The following TRPS1 variants were observed in gnomAD, a reference collection of about 807,000 sequenced individuals.
The protein encoded by TRPS1 is transcriptional repressor GATA binding 1.
In TRPS1, 6 loss-of-function variants were observed where a neutral mutation model predicts 101.2. The ratio of observed to expected loss-of-function variants is 0.06; its 90% CI spans 0.03 to 0.12. The LOEUF (loss-of-function observed/expected upper bound fraction) is 0.12, where lower values mean the gene tolerates loss of function less well. Among genes scored for constraint, TRPS1 ranks in the 10% least tolerant of loss-of-function variants. TRPS1 has a pLI of 1.00. For synonymous variants in TRPS1, 578 were observed against 589.8 expected, an observed-to-expected ratio of 0.98 and a Z score of 0.29; for missense variants, 1,363 against 1,567.0, an observed-to-expected ratio of 0.87 and a Z score of 2.20.
chr8:115,507,833 C>T (rs1228892521), intron 5 of TRPS1, among the ~76,000 whole-genome samples: 1 of 151,684 alleles, frequency 6.6e-6, no homozygotes, highest in African/African-American at 2.4e-5. Context: ...TAGGTCTGGC[C>T]CGAGGGTGAA....
intron 5 of TRPS1, among the ~76,000 whole-genome samples, chr8:115,516,342 T>C (rs1269395714): frequency 2.0e-5 from 3 of 151,534 alleles, no homozygotes. Flanking sequence ...TATTGTTATA[T>C]ATTCTTCTAG....
At chr8:115,587,903 T>C (rs1817604956) in intron 4 of TRPS1, among the ~76,000 whole-genome samples, 1 of 152,232 alleles carries the variant, frequency 6.6e-6, no homozygotes, top group South Asian at 2.1e-4. Context: ...TGCGCATACA[T>C]TCCAGGTGAT....
Position 115,619,885 on chromosome 8 carries a change from C to T in TRPS1, c.213G>A (p.Glu71=). ...GATCTTGAACATGCAAGCTATGTTC[C>T]TCCTTATGATTTAGTTCTGCAGCAT... is the stretch of plus-strand genomic sequence containing the variant. The part of the protein sequence containing the change: ...QSDAAELNHK[E]EHSLHVQDPS... The change falls in exon 3 of 7, where the codon GAG becomes GAA. Residue 71 remains glutamate, a synonymous_variant. Coordinates refer to ENST00000395715, the MANE Select transcript of TRPS1 (RefSeq NM_014112.5). 6.2e-7 allele frequency: 1 copy of T among 1,614,124 alleles called. No homozygotes were observed. The highest frequency in any genetic ancestry group is 8.5e-7 in the Non-Finnish European group (1 of 1,180,008).
chr8:115,512,345 G>C (rs977741061), intron 5 of TRPS1, among the ~76,000 whole-genome samples: 2 of 151,454 alleles, frequency 1.3e-5, no homozygotes, highest in Non-Finnish European at 3.0e-5. Flanking sequence ...GAAAATTTGC[G>C]GACTATAAAT....
At chr8:115,429,690 A>T (rs1490524971) in intron 5 of TRPS1, among the ~76,000 whole-genome samples, 1 of 152,150 alleles carries the variant, frequency 6.6e-6, no homozygotes, top group Non-Finnish European at 1.5e-5. Context: ...ACTCCTGGTG[A>T]GTGAGATTTT....
intron 5 of TRPS1, among the ~76,000 whole-genome samples, chr8:115,419,863 C>T (rs985447925): frequency 6.6e-6 from 1 of 152,176 alleles, no homozygotes; most frequent in African/African-American, 2.4e-5. Context: ...CTTGCAATTG[C>T]TGATGCCTGC....
intron 1 of TRPS1, among the ~76,000 whole-genome samples, chr8:115,630,350 T>C (rs1717407725): frequency 6.6e-6 from 1 of 151,914 alleles, no homozygotes; most frequent in African/African-American, 2.4e-5. Context: ...AACTTAAGAA[T>C]CTATCTAAAC....
chr8:115,418,466 A>T lies in TRPS1; in HGVS notation c.2701-14T>A. 4 of 1,614,104 alleles carry T rather than the reference A, an allele frequency of 2.5e-6. No homozygotes were observed. The South Asian group carries it at 3.3e-5, about 13-fold the overall frequency. ...GCCTCTACGCCTCTGAAACAGGGGA[A>T]AAAAACCAAGGTCAGAGGTGAGTCA... On this transcript the variant is annotated splice_polypyrimidine_tract_variant and intron_variant, in intron 5 of 6. Transcript: ENST00000395715. This position sits in a 1 kb window ranked among gnomAD's most constrained non-coding sequence, Gnocchi z 4.3.
At chr8:115,509,189 T>C (rs1480066572) in intron 5 of TRPS1, among the ~76,000 whole-genome samples, 1 of 152,010 alleles carries the variant, frequency 6.6e-6, no homozygotes, top group African/African-American at 2.4e-5. Flanking sequence ...CAAGGTGTTT[T>C]CCCTGAAGCC....
chr8:115,515,070 T>C, intron 5 of TRPS1: 1 of 574,990 alleles, frequency 1.7e-6, no homozygotes, highest in South Asian at 2.2e-5. Flanking sequence ...GAAAAATTTG[T>C]TGAGGACTCA....
At chr8:115,580,234 G>GA (rs10642817) in intron 5 of TRPS1, among the ~76,000 whole-genome samples, 10,570 of 132,932 alleles carry the variant, frequency 0.08, 633 homozygotes, top group African/African-American at 0.16. Flanking sequence ...AGGGAGAGAA[G>GA]AAAAAAAAAA....
chr8:115,581,568 T>C (rs1337193310), intron 5 of TRPS1, among the ~76,000 whole-genome samples: 1 of 152,152 alleles, frequency 6.6e-6, no homozygotes, highest in Non-Finnish European at 1.5e-5. Flanking sequence ...ATGTGTGGGT[T>C]AATGAAGCAG....
rs1443841927 is a variant in TRPS1 at position 115,503,131 on chromosome 8, G to A, written c.2700+83870C>T. Among the ~76,000 whole-genome samples, 4 of 151,830 alleles carry A rather than the reference G, an allele frequency of 2.6e-5. No homozygotes were observed. In the East Asian group the frequency reaches 7.8e-4, roughly 30 times the overall value. ...TACCTGGGCGTGGTGGCGGGCGCTTGTATTCCCAGCTACTTGGGAGGCTGA... is the reference window on the plus strand; with the variant it reads ...TACCTGGGCGTGGTGGCGGGCGCTTATATTCCCAGCTACTTGGGAGGCTGA... On this transcript the variant is annotated intron_variant, in intron 5 of 6. Transcript: ENST00000395715.
chr8:115,439,597 G>C (rs1441653285), intron 5 of TRPS1, among the ~76,000 whole-genome samples: 1 of 152,036 alleles, frequency 6.6e-6, no homozygotes, highest in South Asian at 2.1e-4. Flanking sequence ...TAGCCACAGG[G>C]GACATTTTGT....
At chr8:115,571,409 GTA>G (rs999573995) in intron 5 of TRPS1, among the ~76,000 whole-genome samples, 2 of 152,082 alleles carry the variant, frequency 1.3e-5, no homozygotes, top group African/African-American at 4.8e-5. Flanking sequence ...AAATAGGCTA[GTA>G]AAAAGTCATA....
intron 5 of TRPS1, among the ~76,000 whole-genome samples, chr8:115,490,960 G>A (rs1815006585): frequency 6.6e-6 from 1 of 152,104 alleles, no homozygotes; most frequent in African/African-American, 2.4e-5. Context: ...ACGGGATGAA[G>A]GACCAAACAA....
intron 5 of TRPS1, among the ~76,000 whole-genome samples, chr8:115,433,298 AG>A (rs2129841727): frequency 6.6e-6 from 1 of 152,200 alleles, no homozygotes; most frequent in Admixed American, 6.5e-5. Context: ...AACATAAATC[AG>A]GATTAAGATA....
chr8:115,507,514 T>C (rs1176684330), intron 5 of TRPS1, among the ~76,000 whole-genome samples: 2 of 152,020 alleles, frequency 1.3e-5, no homozygotes, highest in Non-Finnish European at 2.9e-5. Flanking sequence ...AGCCAGATGT[T>C]CATTTACAGA....
At chr8:115,472,033 C>T (rs1563755144) in intron 5 of TRPS1, among the ~76,000 whole-genome samples, 2 of 152,176 alleles carry the variant, frequency 1.3e-5, no homozygotes, top group Non-Finnish European at 2.9e-5. Flanking sequence ...AGTGGATCTA[C>T]CATTCTGGGG....
Sources: gnomAD v4.1 joint callset for allele counts (sites outside exome capture counted in the v4.1 genomes callset) on GRCh38, gnomAD v4.1.1 for gene constraint, Gnocchi (gnomAD v3.1) non-coding constraint, MANE v1.5 for transcripts, NCBI Gene and HGNC (gene_info 2026-07-23, HGNC 2026-07-21) for gene names.